NEBL: variants seen among roughly 807,000 people sequenced by gnomAD.
The protein encoded by NEBL is LIM and SH3 protein 2.
Under a neutral mutation model 140.2 loss-of-function variants are expected in NEBL, and 122 were observed. The observed-to-expected ratio is 0.87, with a 90% CI of 0.75 to 1.01. NEBL has a LOEUF of 1.01. Among genes scored for constraint, NEBL ranks in the 50% least tolerant of loss-of-function variants. The pLI is 0.00. For missense variants in NEBL, 1,365 were observed against 1,231.3 expected, an observed-to-expected ratio of 1.11 and a Z score of -1.62; for synonymous variants, 436 against 398.9, an observed-to-expected ratio of 1.09 and a Z score of -1.11.
intron 1 of NEBL, among the ~76,000 whole-genome samples, chr10:21,266,832 C>T (rs970494956): frequency 1.3e-5 from 2 of 152,144 alleles, no homozygotes; most frequent in African/African-American, 4.8e-5. Context: ...GGCTGGAGTG[C>T]AGTGGCATGA....
chr10:21,244,433 C>A (rs1338088891), intron 3 of NEBL, among the ~76,000 whole-genome samples: 1 of 151,838 alleles, frequency 6.6e-6, no homozygotes, highest in African/African-American at 2.4e-5. Context: ...AGGCAGATGA[C>A]CTGAGGTCAG....
intron 2 of NEBL, chr10:21,172,235 A>G: frequency 1.4e-6 from 1 of 692,550 alleles, no homozygotes; most frequent in Non-Finnish European, 2.6e-6. Context: ...AACAAAGTAC[A>G]TGGCCCCAGA....
At chr10:21,094,928 C>T (rs1180558853) in intron 2 of NEBL, among the ~76,000 whole-genome samples, 1 of 152,168 alleles carries the variant, frequency 6.6e-6, no homozygotes, top group East Asian at 1.9e-4. Context: ...CTTGGGCCAA[C>T]AGACAGAACA....
At chr10:21,230,730 A>G (rs1842237552) in intron 3 of NEBL, among the ~76,000 whole-genome samples, 1 of 150,500 alleles carries the variant, frequency 6.6e-6, no homozygotes, top group Non-Finnish European at 1.5e-5. Context: ...TCAGCCTCCC[A>G]AGTAGCTGGG....
intron 2 of NEBL, among the ~76,000 whole-genome samples, chr10:20,894,113 C>A (rs1847244201): frequency 6.6e-6 from 1 of 152,092 alleles, no homozygotes; most frequent in Non-Finnish European, 1.5e-5. Flanking sequence ...TGGAAGAAGT[C>A]CAAAGAGTAA....
chr10:20,895,314 A>C (rs546287409), intron 2 of NEBL, among the ~76,000 whole-genome samples: 88 of 152,314 alleles, frequency 5.8e-4, no homozygotes, highest in Non-Finnish European at 4.0e-4. Context: ...ATTACTACTA[A>C]TAATAGTAAC....
At chr10:20,869,880 A>G (rs1416240384) in intron 5 of NEBL, 39 bp from the exon 6 acceptor site, 1 of 1,287,010 alleles carries the variant, frequency 7.8e-7, no homozygotes, top group African/African-American at 1.5e-5. Context: ...TAAATAAATT[A>G]GTAATTTCAC....
At chr10:21,247,760 A>T (rs1842536134) in intron 3 of NEBL, 1 of 153,730 alleles carries the variant, frequency 6.5e-6, no homozygotes, top group Non-Finnish European at 1.5e-5. Flanking sequence ...AGATGGCTTC[A>T]CTTCATAACC....
intron 2 of NEBL, among the ~76,000 whole-genome samples, chr10:21,049,693 C>T (rs1589174772): frequency 6.6e-6 from 1 of 152,268 alleles, no homozygotes; most frequent in African/African-American, 2.4e-5. Context: ...CTTTGTTCTG[C>T]TTTACTGCTG....
Position 20,859,701 on chromosome 10 carries a change from A to G in NEBL, c.798+12T>C. 6.6e-7 allele frequency: 1 copy of G among 1,518,384 alleles called. No homozygotes were observed. The allele number at this position is 1,518,384 out of a possible 1,614,324, so 94.1% of individuals were successfully genotyped here. ...AGATTTTGAAAATAATTTTCTATGAATTACAACTTACATTGCTCGCCAGTG... is the reference window on the plus strand; with the variant it reads ...AGATTTTGAAAATAATTTTCTATGAGTTACAACTTACATTGCTCGCCAGTG... On this transcript the variant is annotated intron_variant, in intron 8 of 27. Coordinates refer to ENST00000377122, the MANE Select transcript of NEBL (RefSeq NM_006393.3).
chr10:20,882,497 G>A (rs183362548), intron 4 of NEBL, among the ~76,000 whole-genome samples: 3 of 152,084 alleles, frequency 2.0e-5, no homozygotes, highest in Non-Finnish European at 2.9e-5. Context: ...CTCCTTGGGC[G>A]CATGTCTGTC....
intron 5 of NEBL, among the ~76,000 whole-genome samples, chr10:20,874,530 G>A (rs1845294598): frequency 6.6e-6 from 1 of 152,168 alleles, no homozygotes; most frequent in African/African-American, 2.4e-5. Flanking sequence ...GCACCTGTCT[G>A]AAAGTGTCAT....
intron 3 of NEBL, among the ~76,000 whole-genome samples, chr10:21,007,798 T>A (rs901198314): frequency 6.6e-6 from 1 of 152,240 alleles, no homozygotes; most frequent in African/African-American, 2.4e-5. Context: ...GAATGAGTGA[T>A]CTATCCTCTG....
intron 2 of NEBL, among the ~76,000 whole-genome samples, chr10:21,118,152 A>T (rs1447307142): frequency 1.3e-5 from 2 of 152,116 alleles, no homozygotes; most frequent in African/African-American, 4.8e-5. Context: ...CTACACCTGA[A>T]CTGTCTATAC....
chr10:21,166,219 C>CAAAAAAAAAAAA (rs1170225891), intron 2 of NEBL, among the ~76,000 whole-genome samples: 8 of 35,396 alleles, frequency 2.3e-4, no homozygotes, highest in South Asian at 1.3e-3. Context: ...GACTGTGTCT[C>CAAAAAAAAAAAA]AAAAAAAAAA....
chr10:20,999,154 T>TG (rs1837782946), intron 3 of NEBL, among the ~76,000 whole-genome samples: 2 of 142,462 alleles, frequency 1.4e-5, no homozygotes, highest in African/African-American at 5.5e-5. Context: ...CCCAGAGGTG[T>TG]GTGGGGGGAA....
intron 1 of NEBL, among the ~76,000 whole-genome samples, chr10:21,252,317 C>G (rs942006804): frequency 6.6e-6 from 1 of 152,104 alleles, no homozygotes; most frequent in African/African-American, 2.4e-5. Flanking sequence ...GTAAATGCCC[C>G]TGGCAGAATA....
At chr10:20,988,580 C>G (rs1837342091) in intron 3 of NEBL, among the ~76,000 whole-genome samples, 1 of 152,164 alleles carries the variant, frequency 6.6e-6, no homozygotes, top group Non-Finnish European at 1.5e-5. Flanking sequence ...ATTAACCTCT[C>G]TCTCCTCCAT....
At position 21,173,449 on chromosome 10, in the gene NEBL, G is replaced by GC. The variant is rs535840918; in HGVS notation, c.69+315dup. Among the ~76,000 whole-genome samples, 1 of 151,944 alleles carries GC rather than the reference G, an allele frequency of 6.6e-6. No individual in the cohort carries two copies. Among genetic ancestry groups the GC allele is most frequent in the African/African-American group, 2.4e-5 (1 of 41,402 alleles). On this transcript the variant is annotated intron_variant, in intron 1 of 6. Transcript: ENST00000417816. The surrounding 1 kb of genome is among the most constrained non-coding windows in gnomAD (Gnocchi z 5.7). ...TGGAGGGGGCGCGGCTCGCCGAAGT[G>GC]CCCCCCTGGGTGCCCAGCCTGGTCC...
Sources: gnomAD v4.1 joint callset for allele counts (sites outside exome capture counted in the v4.1 genomes callset) on GRCh38, gnomAD v4.1.1 for gene constraint, Gnocchi (gnomAD v3.1) non-coding constraint, MANE v1.5 for transcripts, NCBI Gene and HGNC (gene_info 2026-07-23, HGNC 2026-07-21) for gene names.